Variants in GRM8 observed in about 807,000 individuals in gnomAD.
The protein encoded by GRM8 is glutamate metabotropic receptor 8, also known as metabotropic glutamate receptor 8.
In GRM8, 47 loss-of-function variants were observed where a neutral mutation model predicts 87.2. That is an observed-to-expected ratio of 0.54 (90% confidence interval 0.43 to 0.69). The LOEUF is 0.69. Among genes scored for constraint, GRM8 ranks in the 30% least tolerant of loss-of-function variants. GRM8 has a pLI of 0.00. For missense variants in GRM8, 1,019 were observed against 1,139.2 expected (o/e 0.89, Z 1.52); for synonymous variants, 396 against 404.5 (o/e 0.98, Z 0.25).
chr7:126,487,683 C>T (rs1002843350), intron 9 of GRM8, among the ~76,000 whole-genome samples: 2 of 151,884 alleles, frequency 1.3e-5, no homozygotes, highest in African/African-American at 2.4e-5. Flanking sequence ...GGTAAACATT[C>T]GTACACTGAG....
At chr7:126,453,314 T>C (rs1023135051) in intron 9 of GRM8, among the ~76,000 whole-genome samples, 5 of 151,758 alleles carry the variant, frequency 3.3e-5, no homozygotes, top group African/African-American at 9.7e-5. Context: ...TTTTCATTAG[T>C]GGAGGTGGAG....
intron 3 of GRM8, among the ~76,000 whole-genome samples, chr7:127,015,147 GAAGGA>G (rs1224283864): frequency 1.3e-3 from 170 of 131,416 alleles, no homozygotes; most frequent in African/African-American, 4.7e-3. Context: ...GAAGAAGGAA[GAAGGA>G]AGAAGGAGAA....
intron 3 of GRM8, among the ~76,000 whole-genome samples, chr7:126,906,615 T>G (rs1802703986): frequency 6.6e-6 from 1 of 152,228 alleles, no homozygotes; most frequent in South Asian, 2.1e-4. Context: ...ATGCTTTAGG[T>G]AGACTTTCAA....
chr7:127,001,218 T>C (rs1813702255), intron 3 of GRM8, among the ~76,000 whole-genome samples: 1 of 151,676 alleles, frequency 6.6e-6, no homozygotes, highest in Non-Finnish European at 1.5e-5. Context: ...TATGAATACA[T>C]AAACTCTGAC....
At chr7:126,782,823 T>A (rs1820225901) in intron 6 of GRM8, among the ~76,000 whole-genome samples, 1 of 152,194 alleles carries the variant, frequency 6.6e-6, no homozygotes, top group Admixed American at 6.5e-5. Context: ...ATGCAGTCAA[T>A]CCTCTGGATG....
At chr7:126,728,501 T>A (rs1388520564) in intron 7 of GRM8, among the ~76,000 whole-genome samples, 7 of 151,974 alleles carry the variant, frequency 4.6e-5, no homozygotes, top group Non-Finnish European at 8.8e-5. Context: ...GTCTTCTCAA[T>A]CTGTGAAAGA....
intron 2 of GRM8, among the ~76,000 whole-genome samples, chr7:127,131,799 C>T (rs1827704681): frequency 6.6e-6 from 1 of 151,976 alleles, no homozygotes; most frequent in African/African-American, 2.4e-5. Flanking sequence ...TTATTTCTTG[C>T]TATATTACTC....
chr7:126,658,062 T>C (rs906971141), intron 7 of GRM8, among the ~76,000 whole-genome samples: 6 of 152,226 alleles, frequency 3.9e-5, no homozygotes, highest in African/African-American at 1.2e-4. Context: ...AAGAATTTAA[T>C]GGAACTAGAG....
intron 3 of GRM8, among the ~76,000 whole-genome samples, chr7:127,021,803 T>C (rs1404545183): frequency 3.3e-5 from 5 of 152,094 alleles, no homozygotes. Flanking sequence ...AATCCAACCA[T>C]TTTTAAGGTG....
At chr7:126,439,910 A>C (rs1471296195) in intron 10 of GRM8, among the ~76,000 whole-genome samples, 1 of 151,956 alleles carries the variant, frequency 6.6e-6, no homozygotes, top group African/African-American at 2.4e-5. Flanking sequence ...ATAAAAATAG[A>C]AAAAAGTCTA....
intron 9 of GRM8, among the ~76,000 whole-genome samples, chr7:126,529,697 C>A (rs1814499743): frequency 6.6e-6 from 1 of 152,202 alleles, no homozygotes; most frequent in African/African-American, 2.4e-5. Flanking sequence ...GTCTGATTAT[C>A]TCGATTTTAT....
chr7:127,119,485 C>A (rs1482622521), intron 2 of GRM8, among the ~76,000 whole-genome samples: 8 of 80,736 alleles, frequency 9.9e-5, no homozygotes, highest in Non-Finnish European at 2.4e-4. Flanking sequence ...GATCCTGTCT[C>A]TCTCTCTCTC....
At chr7:127,135,617 CAAAAAAAAAAAAAA>C (rs1168682673) in intron 2 of GRM8, among the ~76,000 whole-genome samples, 9 of 36,840 alleles carry the variant, frequency 2.4e-4, no homozygotes, top group Admixed American at 6.6e-4. Context: ...GACTCCGTCT[CAAAAAAAAAAAAAA>C]AAAAAAAAAA....
intron 7 of GRM8, among the ~76,000 whole-genome samples, chr7:126,758,631 C>T (rs1209541226): frequency 1.3e-5 from 2 of 152,126 alleles, no homozygotes; most frequent in Non-Finnish European, 2.9e-5. Flanking sequence ...ACACAATAGA[C>T]ATTTAATGAA....
intron 2 of GRM8, among the ~76,000 whole-genome samples, chr7:127,120,214 G>A (rs1398477112): frequency 6.6e-6 from 1 of 152,150 alleles, no homozygotes; most frequent in Non-Finnish European, 1.5e-5. Flanking sequence ...GGTCTGCCTT[G>A]TTTAGCCCTC....
In GRM8 at chr7:126,447,287, A is replaced by G. The variant is rs1647141997; in HGVS notation, c.2431-915T>C. 2.0e-5 allele frequency: 3 copies of G among 152,046 alleles called. 1 individual carries two copies. Among genetic ancestry groups the G allele is most frequent in the African/African-American group, 7.2e-5 (3 of 41,528 alleles). 9.4% of individuals were successfully genotyped at this position (152,046 alleles called of 1,614,324 possible). A position where few individuals can be genotyped will look rare whatever the true frequency, so the allele number is the denominator to read the frequency against. The stretch of plus-strand genomic sequence containing the variant: ...GCAGTATTTCATTCTTTAAAAACAG[A>G]AACAAAAACCTTTGATCTGGTTCCA... On this transcript the variant is annotated intron_variant, in intron 9 of 10. Transcript: ENST00000339582.
At chr7:126,626,608 A>G (rs900608633) in intron 7 of GRM8, among the ~76,000 whole-genome samples, 6 of 152,180 alleles carry the variant, frequency 3.9e-5, no homozygotes, top group African/African-American at 1.4e-4. Context: ...ACACAATACC[A>G]ATGGTCAATA....
chr7:126,877,962 A>G (rs576723298), intron 6 of GRM8, among the ~76,000 whole-genome samples: 266 of 152,270 alleles, frequency 1.7e-3, no homozygotes, highest in Non-Finnish European at 1.7e-3. Context: ...TTTCATATTC[A>G]CGTTAAAGAA....
chr7:126,629,655 T>C (rs750886412), intron 7 of GRM8, among the ~76,000 whole-genome samples: 36 of 152,172 alleles, frequency 2.4e-4, no homozygotes, highest in Admixed American at 5.2e-4. Flanking sequence ...CAATAATTTA[T>C]GGATTTAACT....
Sources: allele counts gnomAD v4.1 joint callset (sites outside exome capture counted in the v4.1 genomes callset), GRCh38; gene constraint gnomAD v4.1.1; transcripts MANE v1.5; gene names NCBI Gene and HGNC (gene_info 2026-07-23, HGNC 2026-07-21).